The following CPXM2 variants were observed in gnomAD, a reference collection of about 807,000 sequenced individuals.
The protein encoded by CPXM2 is inactive carboxypeptidase-like protein X2.
Under a neutral mutation model 86.1 loss-of-function variants are expected in CPXM2, and 66 were observed. The observed-to-expected ratio is 0.77, with a 90% CI of 0.63 to 0.94. The LOEUF is 0.94. Ranked by LOEUF, CPXM2 falls within the 40% of genes least tolerant of loss-of-function variation. The pLI, the probability that CPXM2 is intolerant of heterozygous loss-of-function variation, is 0.00. For synonymous variants in CPXM2, 388 were observed against 400.2 expected, an observed-to-expected ratio of 0.97 and a Z score of 0.36; for missense variants, 948 against 1,026.3, an observed-to-expected ratio of 0.92 and a Z score of 1.04.
chr10:123,941,840 A>C (rs1313097020), upstream of CPXM2, among the ~76,000 whole-genome samples: 3 of 152,238 alleles, frequency 2.0e-5, no homozygotes, highest in Non-Finnish European at 4.4e-5. Context: ...ACCTTCTCTG[A>C]ACCGCATCTG....
At chr10:123,916,399 T>C (rs1945533719) in intron 2 of CPXM2, among the ~76,000 whole-genome samples, 1 of 152,148 alleles carries the variant, frequency 6.6e-6, no homozygotes, top group South Asian at 2.1e-4. Context: ...TCTGCAAGAC[T>C]GAGAAAACCA....
intron 3 of CPXM2, among the ~76,000 whole-genome samples, chr10:123,860,725 G>A (rs1270659174): frequency 1.3e-5 from 2 of 152,184 alleles, no homozygotes; most frequent in Non-Finnish European, 2.9e-5. Flanking sequence ...CTAGGGTACT[G>A]GAGGCACTGT....
In CPXM2 at chr10:123,751,679, CCT is replaced by C. The variant is rs1223988003; in HGVS notation, c.2017+2982_2017+2983del. 10 of 985,308 alleles carry C rather than the reference CCT, an allele frequency of 1.0e-5. No individual in the cohort carries two copies. In the African/African-American group the frequency reaches 1.2e-4, roughly 12 times the overall value. 61.0% of individuals were successfully genotyped at this position (985,308 alleles called of 1,614,324 possible). ...TCCCTGTGGAATTCCATTTAATACC[CCT>C]GTTTATTTTATGCAAAATCCATCCC... On this transcript the variant is annotated intron_variant, in intron 13 of 13. Coordinates refer to ENST00000241305, the MANE Select transcript of CPXM2 (RefSeq NM_198148.3).
chr10:123,775,136 C>T (rs73364733), intron 7 of CPXM2, among the ~76,000 whole-genome samples: 5,511 of 152,264 alleles, frequency 0.036, 320 homozygotes, highest in African/African-American at 0.12. Flanking sequence ...TCCCTTACCC[C>T]TATCTGTCCA....
chr10:123,909,198 C>T (rs1945468203), intron 2 of CPXM2, among the ~76,000 whole-genome samples: 2 of 152,072 alleles, frequency 1.3e-5, no homozygotes, highest in South Asian at 4.2e-4. Context: ...ACGGGCTTCC[C>T]TCCACCCTGA....
intron 4 of CPXM2, among the ~76,000 whole-genome samples, chr10:123,806,657 G>A (rs74528449): frequency 0.016 from 2,437 of 152,228 alleles, 61 homozygotes; most frequent in African/African-American, 0.056. Flanking sequence ...TTGGCTCACA[G>A]TTCTGCATGG....
chr10:123,857,579 G>A (rs1848755556), intron 3 of CPXM2, among the ~76,000 whole-genome samples: 1 of 143,576 alleles, frequency 7.0e-6, no homozygotes, highest in Admixed American at 6.9e-5. Flanking sequence ...GCGGCGTGGA[G>A]ATGGAAGGCG....
At chr10:123,810,146 A>G (rs1847660998) in intron 4 of CPXM2, among the ~76,000 whole-genome samples, 1 of 151,990 alleles carries the variant, frequency 6.6e-6, no homozygotes. Flanking sequence ...TTAGAGATAA[A>G]GACAGTCATT....
intron 4 of CPXM2, among the ~76,000 whole-genome samples, chr10:123,807,268 G>A (rs1301562355): frequency 6.6e-6 from 1 of 151,536 alleles, no homozygotes; most frequent in Admixed American, 6.6e-5. Context: ...ACCCCTTTGT[G>A]CCCTAGTAAT....
intron 4 of CPXM2, among the ~76,000 whole-genome samples, chr10:123,802,718 T>C (rs1847487484): frequency 6.6e-6 from 1 of 152,198 alleles, no homozygotes; most frequent in African/African-American, 2.4e-5. Context: ...CTCATATACC[T>C]ACGTTCAGCC....
intron 13 of CPXM2, chr10:123,751,189 T>A: frequency 3.4e-6 from 1 of 298,190 alleles, no homozygotes; most frequent in Non-Finnish European, 4.9e-6. Flanking sequence ...CTGACGAGAG[T>A]GCAGCACCCA....
In CPXM2 at chr10:123,788,861, T is replaced by C. The variant is rs149593441; in HGVS notation, c.890-8606A>G. The stretch of plus-strand genomic sequence containing the variant: ...TTTAAAAGGCTTAGTGTATATTATA[T>C]GAATTTCACCTTGATTGAAAAAAAA... On this transcript the variant is annotated intron_variant, in intron 6 of 13. Transcript: ENST00000241305. Among the ~76,000 whole-genome samples, 105 of 139,316 alleles carry C rather than the reference T, an allele frequency of 7.5e-4. 1 individual carries two copies. The East Asian group carries it at 0.013, about 17-fold the overall frequency. 91.4% of individuals were successfully genotyped at this position (139,316 alleles called of 152,430 possible). A position where few individuals can be genotyped will look rare whatever the true frequency, so the allele number is the denominator to read the frequency against.
intron 8 of CPXM2, among the ~76,000 whole-genome samples, 159 bp downstream of exon 8, chr10:123,770,757 C>T (rs1366805498): frequency 1.3e-5 from 2 of 152,236 alleles, no homozygotes; most frequent in African/African-American, 4.8e-5. Context: ...GAGTGGTTCA[C>T]AGAGCCAACA....
chr10:123,774,334 A>C (rs899141094), intron 7 of CPXM2, among the ~76,000 whole-genome samples: 6 of 152,250 alleles, frequency 3.9e-5, no homozygotes, highest in African/African-American at 1.4e-4. Context: ...GCAAGCTGCC[A>C]AAAAATCGGA....
rs73368703 is a variant in CPXM2, at chr10:123,886,598, G to T, written c.304+4758C>A. 4.6e-3 allele frequency among the ~76,000 whole-genome samples: 695 copies of T among 152,240 alleles called. 5 individuals are homozygous for T. The highest frequency in any genetic ancestry group is 0.016 in the African/African-American group (665 of 41,524). On this transcript the variant is annotated intron_variant, in intron 1 of 13. Transcript: ENST00000241305. ...GGCTCAAGACTATGGCGATGATGTG[G>T]GTTTGTCCACATTCAAACAGCGGTG... is the stretch of plus-strand genomic sequence containing the variant.
At chr10:123,753,003 TG>T (rs1846116290) in intron 13 of CPXM2, among the ~76,000 whole-genome samples, 1 of 151,966 alleles carries the variant, frequency 6.6e-6, no homozygotes, top group Non-Finnish European at 1.5e-5. Flanking sequence ...GGGACAAAGT[TG>T]GGGCAGGTAA....
upstream of CPXM2, among the ~76,000 whole-genome samples, chr10:123,943,816 AC>A (rs1333622826): frequency 6.6e-6 from 1 of 152,192 alleles, no homozygotes; most frequent in African/African-American, 2.4e-5. Context: ...CTAGAGGGAC[AC>A]CACTGTCCTG....
At chr10:123,906,980 C>T (rs1372253138) in intron 2 of CPXM2, among the ~76,000 whole-genome samples, 1 of 152,188 alleles carries the variant, frequency 6.6e-6, no homozygotes, top group Non-Finnish European at 1.5e-5. Context: ...TGGATGCCTG[C>T]TACCCATCTG....
chr10:123,872,717 T>C (rs777477414), intron 2 of CPXM2, among the ~76,000 whole-genome samples: 9 of 152,052 alleles, frequency 5.9e-5, no homozygotes, highest in South Asian at 2.1e-4. Context: ...TCTTGCCTCA[T>C]TGAAAAATAA....
Sources: allele counts gnomAD v4.1 joint callset (sites outside exome capture counted in the v4.1 genomes callset), GRCh38; gene constraint gnomAD v4.1.1; transcripts MANE v1.5; gene names NCBI Gene and HGNC (gene_info 2026-07-23, HGNC 2026-07-21).